The following DNAH11 variants were observed in gnomAD, a reference collection of about 807,000 sequenced individuals.
The protein encoded by DNAH11 is axonemal beta dynein heavy chain 11.
Under a neutral mutation model 526.0 loss-of-function variants are expected in DNAH11, and 442 were observed. The observed-to-expected ratio is 0.84, with a 90% CI of 0.78 to 0.91. DNAH11 has a LOEUF of 0.91. Among genes scored for constraint, DNAH11 ranks in the 40% least tolerant of loss-of-function variants. The pLI is 0.00. For missense variants in DNAH11, 6,989 were observed against 5,448.7 expected (o/e 1.28, Z -8.90); for synonymous variants, 2,461 against 1,935.9 (o/e 1.27, Z -7.12).
intron 39 of DNAH11, 138 bp downstream of exon 39, chr7:21,705,675 G>T: frequency 1.3e-6 from 1 of 748,942 alleles, no homozygotes; most frequent in Non-Finnish European, 2.2e-6. Flanking sequence ...TCTGAGACTG[G>T]AATCTTGCTG....
At chr7:21,619,290 G>C in intron 24 of DNAH11, 68 bp downstream of exon 24, 4 of 1,546,182 alleles carry the variant, frequency 2.6e-6, no homozygotes, top group African/African-American at 1.4e-5. Flanking sequence ...AGCCAACTTA[G>C]AGAAAAGTCC....
intron 65 of DNAH11, among the ~76,000 whole-genome samples, chr7:21,829,175 G>A (rs1233352968): frequency 6.6e-6 from 1 of 152,152 alleles, no homozygotes; most frequent in Non-Finnish European, 1.5e-5. Flanking sequence ...AGGATGTGCA[G>A]TAAGGCTTTT....
chr7:21,818,663 G>A (rs1463190812), intron 65 of DNAH11, among the ~76,000 whole-genome samples: 2 of 152,086 alleles, frequency 1.3e-5, no homozygotes, highest in African/African-American at 2.4e-5. Flanking sequence ...ACCTTGAATA[G>A]GGCTGCCTAT....
rs1292469149 is a variant in DNAH11, at chr7:21,816,634, A to G, written c.10500A>G (p.Gln3500=). The G allele has an allele frequency of 6.8e-6, 11 of 1,613,778 alleles. No homozygotes were observed. Among genetic ancestry groups the G allele is most frequent in the East Asian group, 2.2e-5 (1 of 44,868 alleles). The change falls in exon 64 of 82, where the codon CAA becomes CAG. Residue 3500 remains glutamine, a synonymous_variant. Coordinates refer to ENST00000409508, the MANE Select transcript of DNAH11 (RefSeq NM_001277115.2). ...GGCCTCTGGTGATAGATCCCCAGCA[A>G]CAGGGAATTAAGTGGATCAAGAATA... The part of the protein sequence containing the change: ...ERWPLVIDPQ[Q]QGIKWIKNKY...
rs762544134 is a variant in DNAH11 at position 21,559,621 on chromosome 7, G to A, written c.711G>A (p.Arg237=). ...TTTGTAGGCCACCGTCAAACGAAAG[G>A]ATAATACTTCATGCAATTGAATCTG... ...CSENKPPSNE[R]IILHAIESVV... Residue 237 remains arginine, a synonymous_variant, in exon 4 of 82, where the codon AGG becomes AGA. Coordinates refer to ENST00000409508, the MANE Select transcript of DNAH11 (RefSeq NM_001277115.2). 6.2e-7 allele frequency: 1 copy of A among 1,609,394 alleles called. No individual in the cohort carries two copies. The highest frequency in any genetic ancestry group is 8.5e-7 in the Non-Finnish European group (1 of 1,177,832).
At chr7:21,696,203 C>T (rs1463610450) in intron 35 of DNAH11, among the ~76,000 whole-genome samples, 2 of 149,520 alleles carry the variant, frequency 1.3e-5, no homozygotes, top group African/African-American at 2.5e-5. Context: ...GATCTCTTTC[C>T]GTTCTTTCCA....
At chr7:21,628,169 A>T (rs1786438567) in intron 25 of DNAH11, among the ~76,000 whole-genome samples, 3 of 151,666 alleles carry the variant, frequency 2.0e-5, no homozygotes, top group African/African-American at 7.3e-5. Flanking sequence ...CTTGTTTATC[A>T]GTTCTAACAG....
At chr7:21,691,355 TG>T (rs1583598268) in intron 35 of DNAH11, among the ~76,000 whole-genome samples, 1 of 151,078 alleles carries the variant, frequency 6.6e-6, no homozygotes, top group Non-Finnish European at 1.5e-5. Context: ...AGGGCTGGGG[TG>T]GGGGGAGCAG....
At chr7:21,769,743 C>A (rs1459945052) in intron 55 of DNAH11, among the ~76,000 whole-genome samples, 3 of 152,100 alleles carry the variant, frequency 2.0e-5, no homozygotes, top group Non-Finnish European at 2.9e-5. Flanking sequence ...CCTCTGCCTC[C>A]CAAAGTGCTG....
chr7:21,638,800 A>G (rs1786986803), intron 27 of DNAH11, 139 bp from the exon 28 acceptor site: 3 of 1,018,214 alleles, frequency 2.9e-6, no homozygotes, highest in Admixed American at 4.8e-5. Flanking sequence ...ATGATGGTGT[A>G]AAAAAGAAGG....
Position 21,599,834 on chromosome 7 carries a change from A to T in DNAH11, c.2715A>T (p.Lys905Asn), listed in dbSNP as rs1468070336. 1 of 1,593,142 alleles carries T rather than the reference A, an allele frequency of 6.3e-7. No homozygotes were observed. Among genetic ancestry groups the T allele is most frequent in the Non-Finnish European group, 8.6e-7 (1 of 1,166,550 alleles). Residue 905 changes from lysine (K) to asparagine (N), a missense_variant, in exon 15 of 82, where the codon AAA becomes AAT. Transcript: ENST00000409508. ...FKANPSLDTW[K>N]IYVEFIDDIV... ...CCAATCCCTCTCTGGATACCTGGAA[A>T]ATTTATGTAGAATTCATTGACGACA...
chr7:21,899,234 C>T, intron 79 of DNAH11, 102 bp from the exon 80 acceptor site: 1 of 871,648 alleles, frequency 1.1e-6, no homozygotes, highest in South Asian at 1.4e-5. Context: ...TGGTATACTT[C>T]TCCTCCACCA....
chr7:21,861,361 C>A (rs1423321187), intron 68 of DNAH11, among the ~76,000 whole-genome samples: 1 of 152,148 alleles, frequency 6.6e-6, no homozygotes, highest in Non-Finnish European at 1.5e-5. Flanking sequence ...AGAATCTGTA[C>A]TGCAAGTAAA....
intron 8 of DNAH11, among the ~76,000 whole-genome samples, chr7:21,575,756 G>A (rs1196465900): frequency 1.3e-5 from 2 of 152,122 alleles, no homozygotes; most frequent in East Asian, 3.9e-4. Flanking sequence ...GATATTTGGT[G>A]CATGCACTGG....
chr7:21,842,528 GT>G lies in DNAH11; in HGVS notation c.10692-12del, dbSNP rs764793930. 1 of 1,609,532 alleles carries G rather than the reference GT, an allele frequency of 6.2e-7. No homozygotes were observed. The highest frequency in any genetic ancestry group is 8.5e-7 in the Non-Finnish European group (1 of 1,176,820). ...TCATAGGAGTCTCCTGAAAGTCTGTGTTTTGCTCCGTTTAGGTATATCAGGA... is the reference window on the plus strand; with the variant it reads ...TCATAGGAGTCTCCTGAAAGTCTGTGTTTGCTCCGTTTAGGTATATCAGGA... On this transcript the variant is annotated splice_polypyrimidine_tract_variant and intron_variant, in intron 65 of 81. Transcript: ENST00000409508.
intron 6 of DNAH11, among the ~76,000 whole-genome samples, chr7:21,566,442 C>T (rs1453504739): frequency 6.6e-6 from 1 of 152,094 alleles, no homozygotes; most frequent in Non-Finnish European, 1.5e-5. Flanking sequence ...AAGCACTAAC[C>T]ACCCTGCCAC....
intron 66 of DNAH11, among the ~76,000 whole-genome samples, chr7:21,850,631 T>G (rs1782595774): frequency 1.1e-5 from 1 of 89,578 alleles, no homozygotes; most frequent in Non-Finnish European, 2.3e-5. Flanking sequence ...TTTTTTTTTT[T>G]GCCTCTAAGT....
At chr7:21,888,274 T>C (rs1784202965) in intron 76 of DNAH11, among the ~76,000 whole-genome samples, 1 of 152,152 alleles carries the variant, frequency 6.6e-6, no homozygotes, top group African/African-American at 2.4e-5. Context: ...CAAGGGCAAA[T>C]GCATTTGTTT....
chr7:21,655,848 C>G lies in DNAH11; in HGVS notation c.4961C>G (p.Ala1654Gly), dbSNP rs376708182. The G allele has an allele frequency of 6.6e-5, 106 of 1,612,962 alleles. No individual in the cohort carries two copies. The African/African-American group carries it at 1.3e-3, about 21-fold the overall frequency. ...TCATTTTAGGTAACATGTCACCTTG[C>G]CAAACTTTTCGACAGCATTGCAGAT... Reference protein sequence around the residue: ...AQPKQVTCHLAKLFDSIADLQ... With the variant: ...AQPKQVTCHLGKLFDSIADLQ... The change falls in exon 29 of 82, where the codon GCC (alanine) becomes GGC (glycine). Residue 1654 changes from alanine to glycine, a missense_variant. Ala to Gly is a moderately conservative substitution (Grantham distance 60). Transcript: ENST00000409508.
Sources: allele counts gnomAD v4.1 joint callset (sites outside exome capture counted in the v4.1 genomes callset), GRCh38; gene constraint gnomAD v4.1.1; transcripts MANE v1.5; gene names NCBI Gene and HGNC (gene_info 2026-07-23, HGNC 2026-07-21).